Variants in ASIC2 observed in about 807,000 individuals in gnomAD.
ASIC2 encodes acid-sensing ion channel 2.
A neutral mutation model predicts 57.3 loss-of-function variants in ASIC2; 25 were observed. The ratio of observed to expected loss-of-function variants is 0.44; its 90% CI spans 0.32 to 0.61. The LOEUF (loss-of-function observed/expected upper bound fraction) is 0.61. Among genes scored for constraint, ASIC2 ranks in the 20% least tolerant of loss-of-function variants. The probability of loss-of-function intolerance (pLI) is 0.06; values close to 1 mark genes in which losing one functional copy is unlikely to be tolerated. For synonymous variants in ASIC2, 319 were observed against 307.5 expected (o/e 1.04, Z -0.39); for missense variants, 641 against 738.1 (o/e 0.87, Z 1.52).
chr17:33,255,335 T>C (rs532819583), intron 1 of ASIC2, among the ~76,000 whole-genome samples: 2 of 152,124 alleles, frequency 1.3e-5, no homozygotes, highest in East Asian at 3.9e-4. Flanking sequence ...CCACCATGCC[T>C]GGCCAGAAAG....
At chr17:33,425,961 G>A (rs1037817293) in intron 1 of ASIC2, among the ~76,000 whole-genome samples, 3 of 152,116 alleles carry the variant, frequency 2.0e-5, no homozygotes, top group Non-Finnish European at 4.4e-5. Flanking sequence ...AAGGTGAAGC[G>A]CAGGGACTCT....
chr17:33,150,456 T>C (rs1904739976), intron 1 of ASIC2, among the ~76,000 whole-genome samples: 1 of 152,232 alleles, frequency 6.6e-6, no homozygotes, highest in Non-Finnish European at 1.5e-5. Context: ...GTCCATTCTC[T>C]TCTTGGAACA....
intron 1 of ASIC2, among the ~76,000 whole-genome samples, chr17:33,402,422 T>C (rs1910317280): frequency 6.6e-6 from 1 of 152,192 alleles, no homozygotes; most frequent in Non-Finnish European, 1.5e-5. Context: ...ATTAGCTCTT[T>C]TCCCTAATGC....
chr17:33,291,216 A>G lies in ASIC2; in HGVS notation c.708+192T>C, dbSNP rs942037417. On this transcript the variant is annotated intron_variant, in intron 1 of 9. Transcript: ENST00000225823. Reference sequence around the variant, plus strand: ...CCACTGGTGGGAGGCGACTCCTCCTACAGTTAAGTCCAAGTTCCCACAACC... The same window carrying G: ...CCACTGGTGGGAGGCGACTCCTCCTGCAGTTAAGTCCAAGTTCCCACAACC... 45 of 1,260,768 alleles carry G rather than the reference A, an allele frequency of 3.6e-5. No individual in the cohort carries two copies. In the Middle Eastern group the frequency reaches 8.5e-4, roughly 24 times the overall value. 78.1% of individuals were successfully genotyped at this position (1,260,768 alleles called of 1,614,324 possible). A position where few individuals can be genotyped will look rare whatever the true frequency, so the allele number is the denominator to read the frequency against.
At chr17:34,132,141 A>G (rs534950566) in intron 1 of ASIC2, among the ~76,000 whole-genome samples, 1 of 152,296 alleles carries the variant, frequency 6.6e-6, no homozygotes, top group South Asian at 2.1e-4. Context: ...GCCACTTACC[A>G]GAGTATGGCT....
chr17:33,371,017 A>T (rs903242365), intron 1 of ASIC2, among the ~76,000 whole-genome samples: 1 of 152,358 alleles, frequency 6.6e-6, no homozygotes, highest in African/African-American at 2.4e-5. Flanking sequence ...ATGCTTCTTT[A>T]TATACAGGAT....
chr17:33,708,369 A>G (rs569275973), intron 1 of ASIC2, among the ~76,000 whole-genome samples: 1 of 152,062 alleles, frequency 6.6e-6, no homozygotes, highest in Non-Finnish European at 1.5e-5. Context: ...ATCCAAAGTT[A>G]TCTTGATATT....
chr17:33,712,635 GCTTTTTTTT>G (rs1366937011), intron 1 of ASIC2, among the ~76,000 whole-genome samples: 2 of 123,320 alleles, frequency 1.6e-5, no homozygotes, highest in African/African-American at 6.5e-5. Context: ...TACTCATATG[GCTTTTTTTT>G]TTTTTTTTTT....
In ASIC2 at chr17:33,846,020, A is replaced by G. The variant is rs533070105; in HGVS notation, c.555+309958T>C. On this transcript the variant is annotated intron_variant, in intron 1 of 9. Coordinates refer to the ASIC2 transcript ENST00000359872. ...AAATTCATGCAAAGACCTACCACAT[A>G]GTCGTTTTCTGAACTGCAGAATTTT... Among the ~76,000 whole-genome samples, 10 of 152,328 alleles carry G rather than the reference A, an allele frequency of 6.6e-5. No homozygotes were observed. The South Asian group carries it at 2.1e-3, about 32-fold the overall frequency.
At chr17:33,367,097 G>A (rs557634753) in intron 1 of ASIC2, among the ~76,000 whole-genome samples, 9 of 152,226 alleles carry the variant, frequency 5.9e-5, no homozygotes, top group African/African-American at 1.4e-4. Flanking sequence ...GTAATGAAGC[G>A]TGAAGAGTGG....
chr17:33,952,734 G>A (rs1904616644), intron 1 of ASIC2, among the ~76,000 whole-genome samples: 1 of 152,152 alleles, frequency 6.6e-6, no homozygotes, highest in Admixed American at 6.5e-5. Flanking sequence ...TTCAGATGAA[G>A]ATGTATTGAT....
intron 1 of ASIC2, among the ~76,000 whole-genome samples, chr17:34,131,602 A>G (rs1911964607): frequency 6.6e-6 from 1 of 152,240 alleles, no homozygotes; most frequent in Non-Finnish European, 1.5e-5. Context: ...GGGGGAAGCC[A>G]GCTTGTGGTC....
intron 1 of ASIC2, among the ~76,000 whole-genome samples, chr17:33,450,644 A>G (rs1400449858): frequency 1.3e-5 from 2 of 152,212 alleles, no homozygotes; most frequent in Non-Finnish European, 2.9e-5. Flanking sequence ...ATTAGTTGAG[A>G]TAGTAAATTT....
intron 1 of ASIC2, among the ~76,000 whole-genome samples, chr17:33,778,297 C>T (rs1911344436): frequency 6.6e-6 from 1 of 152,136 alleles, no homozygotes; most frequent in African/African-American, 2.4e-5. Flanking sequence ...CACACTGGAA[C>T]CAATACATCC....
intron 1 of ASIC2, among the ~76,000 whole-genome samples, chr17:33,726,279 CCA>C (rs1909558316): frequency 1.3e-5 from 2 of 152,240 alleles, no homozygotes; most frequent in South Asian, 4.2e-4. Flanking sequence ...GTCTCCAGCC[CCA>C]GTTGCCATCT....
chr17:33,977,720 T>C (rs1394783891), intron 1 of ASIC2, among the ~76,000 whole-genome samples: 2 of 152,190 alleles, frequency 1.3e-5, no homozygotes, highest in Non-Finnish European at 2.9e-5. Flanking sequence ...AGAGAAGGTT[T>C]TGATGTCTGT....
At position 33,156,394 on chromosome 17, in the gene ASIC2, A is replaced by G. The variant is rs145989940; in HGVS notation, c.709-44327T>C. 9.3e-3 allele frequency among the ~76,000 whole-genome samples: 1,408 copies of G among 152,110 alleles called. 16 individuals carry two copies. The highest frequency in any genetic ancestry group is 0.032 in the African/African-American group (1,319 of 41,502). On this transcript the variant is annotated intron_variant, in intron 1 of 9. Coordinates refer to ENST00000225823, the MANE Select transcript of ASIC2 (RefSeq NM_183377.2). ...ACCCACCTTGGCCTCCCAAAGTGCT[A>G]GGATTAGGCATGAGTCACCATGCCT...
intron 1 of ASIC2, among the ~76,000 whole-genome samples, chr17:33,527,486 A>C (rs1355897622): frequency 6.6e-6 from 1 of 152,168 alleles, no homozygotes; most frequent in Non-Finnish European, 1.5e-5. Context: ...GAGATACATC[A>C]GGGTGGCAGA....
intron 1 of ASIC2, among the ~76,000 whole-genome samples, chr17:33,761,019 A>T (rs192104132): frequency 4.1e-4 from 62 of 152,316 alleles, no homozygotes; most frequent in African/African-American, 1.5e-3. Flanking sequence ...CAGGTAGCTT[A>T]TTAGATTCCA....
Sources: allele counts gnomAD v4.1 joint callset (sites outside exome capture counted in the v4.1 genomes callset), GRCh38; gene constraint gnomAD v4.1.1; transcripts MANE v1.5; gene names NCBI Gene and HGNC (gene_info 2026-07-23, HGNC 2026-07-21).